The following CNTN5 variants were observed in gnomAD, a reference collection of about 807,000 sequenced individuals.
The protein encoded by CNTN5 is contactin 5, also known as contactin-5.
In CNTN5, 77 loss-of-function variants were observed where a neutral mutation model predicts 129.1. The ratio of observed to expected loss-of-function variants is 0.60; its 90% CI spans 0.50 to 0.72. CNTN5 has a LOEUF of 0.72. CNTN5 is among the 30% of genes least tolerant of loss of function. The probability of loss-of-function intolerance (pLI) is 0.00; values close to 1 mark genes in which losing one functional copy is unlikely to be tolerated. For missense variants in CNTN5, 1,478 were observed against 1,328.8 expected (o/e 1.11, Z -1.75); for synonymous variants, 509 against 465.6 (o/e 1.09, Z -1.20).
At position 99,971,416 on chromosome 11, in the gene CNTN5, G is replaced by A. The variant is rs192839472; in HGVS notation, c.877+14407G>A. Among the ~76,000 whole-genome samples the A allele has an allele frequency of 1.4e-3, 214 of 151,974 alleles. 5 individuals carry two copies. Among genetic ancestry groups the A allele is most frequent in the African/African-American group, 3.5e-3 (144 of 41,356 alleles). ...AAATTAGCTGGGCGTGGTGGTGCGC[G>A]CCTGTAGTCACAACTACTGGGGAGG... On this transcript the variant is annotated intron_variant, in intron 8 of 24. Coordinates refer to ENST00000524871, the MANE Select transcript of CNTN5 (RefSeq NM_014361.4).
At chr11:100,193,724 T>A in intron 15 of CNTN5, 61 bp downstream of exon 15, 1 of 1,463,838 alleles carries the variant, frequency 6.8e-7, no homozygotes, top group Non-Finnish European at 9.3e-7. Flanking sequence ...GAATCAAATG[T>A]AAGACCTTGC....
chr11:99,661,216 A>G (rs1952581136), intron 3 of CNTN5, among the ~76,000 whole-genome samples: 2 of 152,164 alleles, frequency 1.3e-5, no homozygotes, highest in Non-Finnish European at 2.9e-5. Flanking sequence ...AGGTCTGATA[A>G]CAACATTTAT....
chr11:99,812,478 G>A (rs998191239), intron 3 of CNTN5, among the ~76,000 whole-genome samples: 1 of 151,990 alleles, frequency 6.6e-6, no homozygotes, highest in Non-Finnish European at 1.5e-5. Context: ...TATAGAAAAT[G>A]TATTGAGTTC....
chr11:99,181,863 G>A (rs188554855), intron 1 of CNTN5, among the ~76,000 whole-genome samples: 8 of 152,156 alleles, frequency 5.3e-5, no homozygotes, highest in South Asian at 4.2e-4. Context: ...AATTTCCTTG[G>A]GGGTTAATTG....
intron 13 of CNTN5, among the ~76,000 whole-genome samples, chr11:100,075,355 G>A (rs992978463): frequency 3.3e-5 from 5 of 152,072 alleles, no homozygotes; most frequent in South Asian, 2.1e-4. Context: ...ATGGGTCGTC[G>A]TTGGCACTCT....
At chr11:99,932,235 C>T (rs1048193665) in intron 7 of CNTN5, among the ~76,000 whole-genome samples, 2 of 152,048 alleles carry the variant, frequency 1.3e-5, no homozygotes, top group South Asian at 2.1e-4. Flanking sequence ...GTTGTCAGCC[C>T]GGGCTGGAGT....
chr11:99,775,428 A>G (rs1418680533), intron 3 of CNTN5, among the ~76,000 whole-genome samples: 1 of 152,076 alleles, frequency 6.6e-6, no homozygotes, highest in Non-Finnish European at 1.5e-5. Flanking sequence ...CATTTTGGAA[A>G]TGAAGGTTAA....
At chr11:99,040,884 T>C (rs917996616) in intron 1 of CNTN5, among the ~76,000 whole-genome samples, 1 of 152,098 alleles carries the variant, frequency 6.6e-6, no homozygotes, top group African/African-American at 2.4e-5. Flanking sequence ...AGCATTAACA[T>C]TTCTTTAGTC....
At position 99,830,081 on chromosome 11, in the gene CNTN5, T is replaced by C. The variant is rs547233535; in HGVS notation, c.277+10316T>C. ...ATTTTATTTTTGCAGAGAGGCAGTC[T>C]GGATTAGGAGTGATTCAAATTAGAT... On this transcript the variant is annotated intron_variant, in intron 4 of 24. Coordinates refer to ENST00000524871, the MANE Select transcript of CNTN5 (RefSeq NM_014361.4). Among the ~76,000 whole-genome samples the C allele has an allele frequency of 7.9e-5, 12 of 152,274 alleles. No individual in the cohort carries two copies. The South Asian group carries it at 2.5e-3, about 32-fold the overall frequency.
At chr11:99,701,742 A>T (rs1354604730) in intron 3 of CNTN5, among the ~76,000 whole-genome samples, 1 of 151,110 alleles carries the variant, frequency 6.6e-6, no homozygotes, top group African/African-American at 2.4e-5. Context: ...CTAAGAAAAT[A>T]ATTTTTTAAA....
chr11:100,150,667 G>GCAGAAAA (rs1947025360), intron 13 of CNTN5, among the ~76,000 whole-genome samples: 3 of 151,744 alleles, frequency 2.0e-5, no homozygotes, highest in Non-Finnish European at 4.4e-5. Flanking sequence ...TCAGTAAAAT[G>GCAGAAAA]TCATCAACAC....
intron 3 of CNTN5, among the ~76,000 whole-genome samples, chr11:99,587,065 C>T (rs1473740010): frequency 6.6e-6 from 1 of 151,632 alleles, no homozygotes; most frequent in African/African-American, 2.4e-5. Context: ...ATCAGTTAAC[C>T]ATTTATGAAG....
intron 21 of CNTN5, among the ~76,000 whole-genome samples, chr11:100,315,287 C>A (rs1036157747): frequency 6.6e-6 from 1 of 152,108 alleles, no homozygotes; most frequent in Non-Finnish European, 1.5e-5. Flanking sequence ...AATAATAAAC[C>A]AAGCATTTTG....
intron 1 of CNTN5, among the ~76,000 whole-genome samples, chr11:99,042,487 T>C (rs1310175319): frequency 1.4e-5 from 2 of 147,616 alleles, no homozygotes. Context: ...ACCATTCTCC[T>C]GCCTCAGCCT....
chr11:99,659,410 G>T (rs678693), intron 3 of CNTN5, among the ~76,000 whole-genome samples: 5 of 151,914 alleles, frequency 3.3e-5, no homozygotes, highest in Admixed American at 1.3e-4. Context: ...GTTTGTTTTA[G>T]GTTTTGGTAA....
intron 3 of CNTN5, among the ~76,000 whole-genome samples, chr11:99,614,605 C>T (rs1394433855): frequency 1.3e-5 from 2 of 152,172 alleles, no homozygotes; most frequent in African/African-American, 4.8e-5. Flanking sequence ...AATCCAGTAT[C>T]CACTGTGCAT....
At chr11:99,779,585 C>T (rs532066965) in intron 3 of CNTN5, among the ~76,000 whole-genome samples, 1 of 151,990 alleles carries the variant, frequency 6.6e-6, no homozygotes, top group South Asian at 2.1e-4. Flanking sequence ...AGTATTAGTC[C>T]TTGTACAAGG....
chr11:99,779,378 C>G (rs542497380), intron 3 of CNTN5, among the ~76,000 whole-genome samples: 1 of 151,988 alleles, frequency 6.6e-6, no homozygotes. Flanking sequence ...ATTTGACTCT[C>G]TTGTGAATAC....
chr11:100,320,368 C>T (rs570314007), intron 21 of CNTN5, among the ~76,000 whole-genome samples: 2 of 152,182 alleles, frequency 1.3e-5, no homozygotes, highest in South Asian at 4.2e-4. Flanking sequence ...CATTCAAGTC[C>T]TTTGCCCATT....
Sources: allele counts gnomAD v4.1 joint callset (sites outside exome capture counted in the v4.1 genomes callset), GRCh38; gene constraint gnomAD v4.1.1; transcripts MANE v1.5; gene names NCBI Gene and HGNC (gene_info 2026-07-23, HGNC 2026-07-21).